ILRUN: variants seen among roughly 807,000 people sequenced by gnomAD.
ILRUN encodes inflammation and lipid regulator with UBA-like and NBR1-like domains.
Under a neutral mutation model 33.8 loss-of-function variants are expected in ILRUN, and 3 were observed. The ratio of observed to expected loss-of-function variants is 0.09; its 90% CI spans 0.04 to 0.23. ILRUN has a LOEUF of 0.23. Among genes scored for constraint, ILRUN ranks in the 10% least tolerant of loss-of-function variants. The pLI is 1.00. For missense variants in ILRUN, 210 were observed against 375.1 expected (o/e 0.56, Z 3.64); for synonymous variants, 124 against 138.9 (o/e 0.89, Z 0.75).
At chr6:34,636,873 T>C (rs1435792209) in intron 3 of ILRUN, among the ~76,000 whole-genome samples, 1 of 152,186 alleles carries the variant, frequency 6.6e-6, no homozygotes, top group Non-Finnish European at 1.5e-5. Flanking sequence ...CACACAACAA[T>C]TCAGTGAAAC....
intron 1 of ILRUN, among the ~76,000 whole-genome samples, chr6:34,678,433 G>A (rs1052584147): frequency 6.6e-6 from 1 of 152,148 alleles, no homozygotes; most frequent in Non-Finnish European, 1.5e-5. Context: ...TGTCACTGGG[G>A]TTTGGTATAC....
chr6:34,661,590 T>G (rs1385511292), intron 1 of ILRUN, among the ~76,000 whole-genome samples: 1 of 152,168 alleles, frequency 6.6e-6, no homozygotes, highest in Admixed American at 6.5e-5. Context: ...AACATCTAGA[T>G]AAAACACACA....
At chr6:34,634,991 C>T (rs1174007110) in intron 3 of ILRUN, among the ~76,000 whole-genome samples, 1 of 152,066 alleles carries the variant, frequency 6.6e-6, no homozygotes, top group African/African-American at 2.4e-5. Flanking sequence ...GCTAGAGTCA[C>T]ATGTTGAAAA....
At chr6:34,601,464 C>A (rs1761505691) in intron 4 of ILRUN, among the ~76,000 whole-genome samples, 1 of 140,514 alleles carries the variant, frequency 7.1e-6, no homozygotes, top group African/African-American at 2.7e-5. Flanking sequence ...GAAGGTTACA[C>A]TGGTGCCCTC....
chr6:34,694,391 CTAGTG>C (rs1763711196), intron 1 of ILRUN, among the ~76,000 whole-genome samples: 1 of 152,242 alleles, frequency 6.6e-6, no homozygotes, highest in African/African-American at 2.4e-5. Flanking sequence ...CTATGCTGAA[CTAGTG>C]TAAACAAGGA....
chr6:34,686,804 A>C (rs1763529599), intron 1 of ILRUN: 1 of 128,876 alleles, frequency 7.8e-6, no homozygotes. Flanking sequence ...AAAATACAAA[A>C]AATTAGCTGG....
chr6:34,671,311 G>A (rs555409012), intron 1 of ILRUN, among the ~76,000 whole-genome samples: 8 of 152,188 alleles, frequency 5.3e-5, no homozygotes, highest in Non-Finnish European at 1.0e-4. Context: ...AACTGAGTCT[G>A]GGAGGTTGAG....
At chr6:34,634,854 C>A (rs1762324477) in intron 3 of ILRUN, among the ~76,000 whole-genome samples, 1 of 151,124 alleles carries the variant, frequency 6.6e-6, no homozygotes, top group Admixed American at 6.6e-5. Flanking sequence ...AAGAATAACA[C>A]CAATTCTATA....
chr6:34,675,490 T>C (rs1035305943), intron 1 of ILRUN, among the ~76,000 whole-genome samples: 3 of 152,134 alleles, frequency 2.0e-5, no homozygotes, highest in Non-Finnish European at 2.9e-5. Flanking sequence ...TATATGTAAA[T>C]TGTGCAGTCA....
At chr6:34,680,453 C>T (rs1763335218) in intron 1 of ILRUN, among the ~76,000 whole-genome samples, 1 of 152,018 alleles carries the variant, frequency 6.6e-6, no homozygotes. Context: ...CTGCAATGAA[C>T]ATAAATCATG....
intron 3 of ILRUN, among the ~76,000 whole-genome samples, chr6:34,637,721 C>T (rs373037935): frequency 2.6e-5 from 4 of 152,288 alleles, no homozygotes; most frequent in South Asian, 4.1e-4. Context: ...CTATACTTTA[C>T]AAAGGATTAC....
chr6:34,687,798 G>A (rs1475814324), intron 1 of ILRUN, among the ~76,000 whole-genome samples: 1 of 151,204 alleles, frequency 6.6e-6, no homozygotes, highest in African/African-American at 2.4e-5. Context: ...TGGCAAAGAT[G>A]TGGAGAAATT....
chr6:34,660,638 A>G (rs1031621588), intron 1 of ILRUN, among the ~76,000 whole-genome samples: 1 of 152,080 alleles, frequency 6.6e-6, no homozygotes, highest in African/African-American at 2.4e-5. Flanking sequence ...AATCAAGAAG[A>G]CCTTACTATC....
intron 2 of ILRUN, among the ~76,000 whole-genome samples, chr6:34,649,271 T>C (rs1009140882): frequency 4.6e-5 from 7 of 152,178 alleles, no homozygotes; most frequent in African/African-American, 1.7e-4. Context: ...GTCAAAGATA[T>C]TGATGCTTGA....
intron 1 of ILRUN, among the ~76,000 whole-genome samples, chr6:34,672,219 G>A (rs752338781): frequency 1.3e-5 from 2 of 151,792 alleles, no homozygotes; most frequent in Non-Finnish European, 2.9e-5. Flanking sequence ...TCAGCCTCCC[G>A]AGAACCTGGA....
At chr6:34,645,266 T>C (rs546280544) in intron 3 of ILRUN, among the ~76,000 whole-genome samples, 5 of 152,278 alleles carry the variant, frequency 3.3e-5, no homozygotes, top group South Asian at 2.1e-4. Flanking sequence ...GTGGAACCAA[T>C]AGGAATCAGT....
chr6:34,671,875 G>A (rs1386571657), intron 1 of ILRUN: 1 of 152,296 alleles, frequency 6.6e-6, no homozygotes, highest in Non-Finnish European at 1.5e-5. Flanking sequence ...AGTGGGAAAA[G>A]TAGAGCAGCA....
Position 34,619,069 on chromosome 6 carries a change from C to T in ILRUN, c.512-12165G>A, listed in dbSNP as rs1187060065. 4.6e-5 allele frequency among the ~76,000 whole-genome samples: 7 copies of T among 152,194 alleles called. No individual in the cohort carries two copies. In the East Asian group the frequency reaches 1.4e-3, roughly 29 times the overall value. On this transcript the variant is annotated intron_variant, in intron 3 of 4. Transcript: ENST00000374023. ...CACTGGAGAGCTTGAAAAAAGCAGT[C>T]AGTTTCAGCGGAGTAATGGGGATAG...
chr6:34,650,545 C>T (rs938352225), intron 2 of ILRUN, among the ~76,000 whole-genome samples: 1 of 151,982 alleles, frequency 6.6e-6, no homozygotes, highest in Non-Finnish European at 1.5e-5. Flanking sequence ...ATTCTTCTGC[C>T]TCAGCCTCCC....
Sources: allele counts gnomAD v4.1 joint callset (sites outside exome capture counted in the v4.1 genomes callset), GRCh38; gene constraint gnomAD v4.1.1; transcripts MANE v1.5; gene names NCBI Gene and HGNC (gene_info 2026-07-23, HGNC 2026-07-21).